GPRIN2: variants seen among roughly 807,000 people sequenced by gnomAD.
The protein encoded by GPRIN2 is G protein-regulated inducer of neurite outgrowth 2.
GPRIN2 carries 1 observed loss-of-function variant against 0.3 expected under a neutral mutation model. The ratio of observed to expected loss-of-function variants is 3.90; its 90% CI spans 1.39 to 18.51. The LOEUF is 18.51. GPRIN2 is among the 30% of genes most tolerant of loss of function. GPRIN2 has a pLI of 0.11. For synonymous variants in GPRIN2, 361 were observed against 258.6 expected (o/e 1.40, Z -3.80); for missense variants, 880 against 604.2 (o/e 1.46, Z -4.79).
At chr10:46,551,173 G>T (rs1842561324) in intron 2 of GPRIN2, among the ~76,000 whole-genome samples, 1 of 152,302 alleles carries the variant, frequency 6.6e-6, no homozygotes, top group Non-Finnish European at 1.5e-5. Flanking sequence ...GAAGCACTAT[G>T]GCCTCTTAAC....
rs138200527 is a variant in GPRIN2, at chr10:46,549,610, G to A, written c.1127C>T (p.Pro376Leu). The A allele has an allele frequency of 7.6e-5, 123 of 1,613,868 alleles. No individual in the cohort carries two copies. The highest frequency in any genetic ancestry group is 2.7e-4 in the East Asian group (12 of 44,902). ...VTLGSSLEEV[P>L]SPVRDVRWDA... ...CCATCGCACATCCCGCACAGGGGACGGCACCTCCTCCAGGCTGGACCCCAG... is the reference window on the plus strand; with the variant it reads ...CCATCGCACATCCCGCACAGGGGACAGCACCTCCTCCAGGCTGGACCCCAG... Residue 376 changes from proline to leucine, a missense_variant, in exon 3 of 3, where the codon CCG becomes CTG. Physicochemically the swap from Pro to Leu is moderately conservative, Grantham distance 98. Transcript: ENST00000374314.
rs1832432999 is a variant in GPRIN2 at position 46,550,258 on chromosome 10, C to T, written c.479G>A (p.Gly160Asp). Reference protein sequence around the residue: ...PVHRAQLQPGGTSGQGGQAPA... With the variant: ...PVHRAQLQPGDTSGQGGQAPA... Reference sequence around the variant, plus strand: ...GGCCTGGCCACCCTGGCCAGAAGTACCACCTGGCTGCAGCTGAGCCCTGTG... The same window carrying T: ...GGCCTGGCCACCCTGGCCAGAAGTATCACCTGGCTGCAGCTGAGCCCTGTG... The change falls in exon 3 of 3, where the codon GGT becomes GAT. Residue 160 changes from glycine to aspartate, a missense_variant. Transcript: ENST00000374314. 1 of 1,610,868 alleles carries T rather than the reference C, an allele frequency of 6.2e-7. No homozygotes were observed. The highest frequency in any genetic ancestry group is 8.5e-7 in the Non-Finnish European group (1 of 1,178,326).
chr10:46,543,815 G>T lies in GPRIN2; in HGVS notation c.*5545C>A. 6.6e-6 allele frequency among the ~76,000 whole-genome samples: 1 copy of T among 152,426 alleles called. No individual in the cohort carries two copies. Among genetic ancestry groups the T allele is most frequent in the Admixed American group, 6.5e-5 (1 of 15,314 alleles). Reference sequence around the variant, plus strand: ...CTTCCTCCTTGCTGGGCTATCTCGGGCTTGGAGTGGGAGAAGCCAGGCAGG... The same window carrying T: ...CTTCCTCCTTGCTGGGCTATCTCGGTCTTGGAGTGGGAGAAGCCAGGCAGG... On this transcript the variant is annotated 3_prime_UTR_variant, in exon 3 of 3. Transcript: ENST00000374314.
intron 2 of GPRIN2, among the ~76,000 whole-genome samples, chr10:46,551,827 C>G (rs1832158189): frequency 5.2e-4 from 80 of 152,388 alleles, no homozygotes; most frequent in Non-Finnish European, 8.8e-4. Context: ...TCCAGCCAGG[C>G]AGCCTTCATC....
chr10:46,551,941 T>G (rs1373241739), intron 2 of GPRIN2, among the ~76,000 whole-genome samples: 4 of 152,306 alleles, frequency 2.6e-5, no homozygotes, highest in Non-Finnish European at 5.9e-5. Flanking sequence ...CCCCTCTGGC[T>G]GTCCAACACC....
rs1205965063 is a variant in GPRIN2, at chr10:46,550,381, C to A, written c.356G>T (p.Arg119Met). 6.2e-7 allele frequency: 1 copy of A among 1,612,164 alleles called. No homozygotes were observed. Among genetic ancestry groups the A allele is most frequent in the Admixed American group, 1.7e-5 (1 of 59,962 alleles). ...GCTACGGACCAGGTCTGAATGGCTC[C>A]TCTGCATAGCAGCAGCACTAGGGGC... ...LRAPSAAAMQ[R>M]SHSDLVRSTQ... The change falls in exon 3 of 3, where the codon AGG becomes ATG. Residue 119 changes from arginine (R) to methionine (M), a missense_variant. Physicochemically the swap from Arg to Met is moderately conservative, Grantham distance 91. Coordinates refer to ENST00000374314, the MANE Select transcript of GPRIN2 (RefSeq NM_001385282.1).
chr10:46,552,894 A>C (rs1427441078), intron 2 of GPRIN2, among the ~76,000 whole-genome samples: 1 of 152,304 alleles, frequency 6.6e-6, no homozygotes, highest in Non-Finnish European at 1.5e-5. Flanking sequence ...AGGAGTAGCC[A>C]AGAGAGAAAT....
rs1832936055 is a variant in GPRIN2, at chr10:46,545,700, G to A, written c.*3660C>T. On this transcript the variant is annotated 3_prime_UTR_variant, in exon 3 of 3. Coordinates refer to ENST00000374314, the MANE Select transcript of GPRIN2 (RefSeq NM_001385282.1). The stretch of plus-strand genomic sequence containing the variant: ...GTGGGCTGTGATCACAGCCAAGCTG[G>A]CAGGGTAAGAGGTGGCCCCTGAATG... Among the ~76,000 whole-genome samples, 446 of 152,168 alleles carry A rather than the reference G, an allele frequency of 2.9e-3. No homozygotes were observed. The highest frequency in any genetic ancestry group is 1.0e-2 in the African/African-American group (412 of 41,372).
chr10:46,551,545 A>G, intron 2 of GPRIN2: 1 of 977,574 alleles, frequency 1.0e-6, no homozygotes, highest in Non-Finnish European at 1.2e-6. Flanking sequence ...GGGCTAGGGA[A>G]CATGGGATTC....
rs901565778 is a variant in GPRIN2, at chr10:46,543,615, C to T, written c.*5745G>A. ...AAAGCTCCAGGCAGGACAGACTGGG[C>T]GATGACTGCATGGCTAAAAGCGCAC... On this transcript the variant is annotated 3_prime_UTR_variant, in exon 3 of 3. Coordinates refer to ENST00000374314, the MANE Select transcript of GPRIN2 (RefSeq NM_001385282.1). 1.1e-4 allele frequency among the ~76,000 whole-genome samples: 17 copies of T among 152,296 alleles called. No homozygotes were observed. The highest frequency in any genetic ancestry group is 2.6e-4 in the Admixed American group (4 of 15,294).
In GPRIN2 at chr10:46,556,503, C is replaced by T. The variant is rs1843249438; in HGVS notation, c.-123G>A. 1.3e-5 allele frequency among the ~76,000 whole-genome samples: 2 copies of T among 152,276 alleles called. No individual in the cohort carries two copies. The highest frequency in any genetic ancestry group is 6.5e-5 in the Admixed American group (1 of 15,292). On this transcript the variant is annotated 5_prime_UTR_variant, in exon 1 of 3. Transcript: ENST00000374314. ...GCGCGGAGCCAGCCTCTCACCCTCT[C>T]GCCCGCCGGGGCCGCGCAGGCGGGG...
In GPRIN2 at chr10:46,550,405, G is replaced by C; in HGVS notation, c.332C>G (p.Ala111Gly). The change falls in exon 3 of 3, where the codon GCC (alanine) becomes GGC (glycine). Residue 111 changes from alanine (A) to glycine (G), a missense_variant. Transcript: ENST00000374314. ...MGGSDLCRLR[A>G]PSAAAMQRSH... ...CCTCTGCATAGCAGCAGCACTAGGG[G>C]CCCGCAGGCGACACAGGTCACTGCC... The C allele has an allele frequency of 6.2e-7, 1 of 1,611,802 alleles. No homozygotes were observed. The highest frequency in any genetic ancestry group is 8.5e-7 in the Non-Finnish European group (1 of 1,179,604).
chr10:46,544,681 AG>A lies in GPRIN2; in HGVS notation c.*4678del. Among the ~76,000 whole-genome samples, 1 of 152,308 alleles carries A rather than the reference AG, an allele frequency of 6.6e-6. No homozygotes were observed. Among genetic ancestry groups the A allele is most frequent in the Admixed American group, 6.5e-5 (1 of 15,294 alleles). On this transcript the variant is annotated 3_prime_UTR_variant, in exon 3 of 3. Transcript: ENST00000374314. ...AGACTTGCAGAACAACCTATTAAAC[AG>A]AAGTAGGTAAAAGTTGAGAAAGGGA...
chr10:46,551,602 G>T, intron 2 of GPRIN2: 2 of 658,612 alleles, frequency 3.0e-6, no homozygotes, highest in Non-Finnish European at 1.9e-6. Flanking sequence ...AGTGAGATAA[G>T]ATGCCCACCC....
rs140651048 is a variant in GPRIN2, at chr10:46,550,713, C to T, written c.24G>A (p.Pro8=). 3.4e-5 allele frequency: 51 copies of T among 1,506,710 alleles called. No individual in the cohort carries two copies. Among genetic ancestry groups the T allele is most frequent in the Admixed American group, 9.3e-5 (4 of 42,818 alleles). 93.3% of individuals were successfully genotyped at this position (1,506,710 alleles called of 1,614,324 possible). MSSSRPE[P]GPWAPLSPRL... is the part of the protein sequence containing the mutation. ...GGGGGCTCAGGGGTGCCCAGGGACCCGGCTCGGGGCGGCTGGAGCTCATGG... is the reference window on the plus strand; with the variant it reads ...GGGGGCTCAGGGGTGCCCAGGGACCTGGCTCGGGGCGGCTGGAGCTCATGG... Residue 8 remains proline (P), a synonymous_variant, in exon 3 of 3, where the codon CCG becomes CCA. Coordinates refer to ENST00000374314, the MANE Select transcript of GPRIN2 (RefSeq NM_001385282.1).
chr10:46,550,364 C>T lies in GPRIN2; in HGVS notation c.373G>A (p.Val125Ile). Reference protein sequence around the residue: ...AAMQRSHSDLVRSTQMRGHSG... With the variant: ...AAMQRSHSDLIRSTQMRGHSG... ...TGTCCCCGCATCTGGGTGCTACGGA[C>T]CAGGTCTGAATGGCTCCTCTGCATA... Residue 125 changes from valine to isoleucine, a missense_variant, in exon 3 of 3, where the codon GTC becomes ATC. By Grantham distance (29) the Val-to-Ile change is conservative. Transcript: ENST00000374314. 6.2e-7 allele frequency: 1 copy of T among 1,612,862 alleles called. No homozygotes were observed. The highest frequency in any genetic ancestry group is 8.5e-7 in the Non-Finnish European group (1 of 1,179,916).
Position 46,546,375 on chromosome 10 carries a change from C to T in GPRIN2, c.*2985G>A, listed in dbSNP as rs1842162896. 6.6e-6 allele frequency among the ~76,000 whole-genome samples: 1 copy of T among 152,312 alleles called. No homozygotes were observed. Among genetic ancestry groups the T allele is most frequent in the Non-Finnish European group, 1.5e-5 (1 of 68,058 alleles). On this transcript the variant is annotated 3_prime_UTR_variant, in exon 3 of 3. Coordinates refer to ENST00000374314, the MANE Select transcript of GPRIN2 (RefSeq NM_001385282.1). Reference sequence around the variant, plus strand: ...GGGGGATTCCTGCTGAGGCAAGGGGCTCTAGGACTCCAGGGTTTATGCTCC... The same window carrying T: ...GGGGGATTCCTGCTGAGGCAAGGGGTTCTAGGACTCCAGGGTTTATGCTCC...
In GPRIN2 at chr10:46,549,913, C is replaced by G; in HGVS notation, c.824G>C (p.Gly275Ala). 1.9e-6 allele frequency: 3 copies of G among 1,614,284 alleles called. No homozygotes were observed. The highest frequency in any genetic ancestry group is 2.5e-6 in the Non-Finnish European group (3 of 1,180,058). Residue 275 changes from glycine to alanine, a missense_variant, in exon 3 of 3, where the codon GGG becomes GCG. Physicochemically the swap from Gly to Ala is moderately conservative, Grantham distance 60 (BLOSUM62 0). Coordinates refer to ENST00000374314, the MANE Select transcript of GPRIN2 (RefSeq NM_001385282.1). ...AGACAACCTACAGTGGATCTTCACC[C>G]CATGCTGAGCCTGCAGCCCAGACTC... Reference protein sequence around the residue: ...VSESGLQAQHGVKIHCRLSGG... With the variant: ...VSESGLQAQHAVKIHCRLSGG...
At chr10:46,556,211 G>A (rs2131570256) in intron 1 of GPRIN2, among the ~76,000 whole-genome samples, 52 of 152,400 alleles carry the variant, frequency 3.4e-4, no homozygotes, top group African/African-American at 1.1e-3. Context: ...AGGGAGGAGC[G>A]ATGGCAGCAG....
Sources: gnomAD v4.1 joint callset for allele counts (sites outside exome capture counted in the v4.1 genomes callset) on GRCh38, gnomAD v4.1.1 for gene constraint, MANE v1.5 for transcripts, NCBI Gene and HGNC (gene_info 2026-07-23, HGNC 2026-07-21) for gene names.